The following RHOBTB1 variants were observed in gnomAD, a reference collection of about 807,000 sequenced individuals.
RHOBTB1 encodes the protein rho-related BTB domain-containing protein 1.
In RHOBTB1, 40 loss-of-function variants were observed where a neutral mutation model predicts 71.6. The observed-to-expected ratio is 0.56, with a 90% CI of 0.43 to 0.73. RHOBTB1 has a LOEUF of 0.73. RHOBTB1 is among the 30% of genes least tolerant of loss of function. The pLI is 0.00. For missense variants in RHOBTB1, 797 were observed against 894.0 expected, an observed-to-expected ratio of 0.89 and a Z score of 1.38; for synonymous variants, 319 against 334.9, an observed-to-expected ratio of 0.95 and a Z score of 0.52.
chr10:60,963,065 T>G (rs1049668897), intron 2 of RHOBTB1, among the ~76,000 whole-genome samples: 2 of 152,174 alleles, frequency 1.3e-5, no homozygotes, highest in East Asian at 1.9e-4. Context: ...CAAGAAGTAT[T>G]GCAAATATGT....
chr10:60,878,159 G>A, intron 7 of RHOBTB1, 101 bp from the exon 8 acceptor site: 1 of 871,502 alleles, frequency 1.1e-6, no homozygotes. Flanking sequence ...ACTTGATATT[G>A]GTGAGTGTTG....
the RHOBTB1 span, among the ~76,000 whole-genome samples, chr10:60,861,843 T>C: frequency 3.3e-5 from 5 of 152,158 alleles, no homozygotes; most frequent in Admixed American, 2.0e-4. Flanking sequence ...CCCCAGCAAA[T>C]TGCAAGATCT....
chr10:60,930,775 C>G (rs1356562259), intron 2 of RHOBTB1, among the ~76,000 whole-genome samples: 1 of 152,164 alleles, frequency 6.6e-6, no homozygotes, highest in Non-Finnish European at 1.5e-5. Context: ...CTTTCTGCCT[C>G]TCAGGACCTG....
intron 5 of RHOBTB1, among the ~76,000 whole-genome samples, chr10:60,891,713 T>A (rs7069036): frequency 0.36 from 54,320 of 151,768 alleles, 10,581 homozygotes; most frequent in East Asian, 0.58. Flanking sequence ...AGTTCAACAT[T>A]AAAAAAACAT....
intron 5 of RHOBTB1, among the ~76,000 whole-genome samples, chr10:60,891,334 CTTTTT>C (rs756153141): frequency 7.0e-5 from 5 of 71,320 alleles, no homozygotes; most frequent in Non-Finnish European, 1.2e-4. Flanking sequence ...TTGCTGTTTG[CTTTTT>C]TTTTTTTTTT....
chr10:60,902,922 G>A (rs895049484), intron 4 of RHOBTB1, among the ~76,000 whole-genome samples: 10 of 152,142 alleles, frequency 6.6e-5, no homozygotes, highest in Admixed American at 2.0e-4. Flanking sequence ...GCCACGTATC[G>A]GGGATAGAAA....
intron 7 of RHOBTB1, 109 bp from the exon 8 acceptor site, chr10:60,878,167 T>C (rs2081135738): frequency 2.5e-6 from 2 of 793,702 alleles, no homozygotes; most frequent in Non-Finnish European, 4.1e-6. Flanking sequence ...TTGGTGAGTG[T>C]TGGACACCTG....
Position 60,872,266 on chromosome 10 carries a change from C to T in RHOBTB1, c.1840G>A (p.Ala614Thr), listed in dbSNP as rs138580713. 6 of 1,613,788 alleles carry T rather than the reference C, an allele frequency of 3.7e-6. No homozygotes were observed. The highest frequency in any genetic ancestry group is 4.2e-6 in the Non-Finnish European group (5 of 1,179,774). Residue 614 changes from alanine (A) to threonine (T), a missense_variant, in exon 10 of 11, where the codon GCC becomes ACC. By Grantham distance (58) the Ala-to-Thr change is moderately conservative. Transcript: ENST00000337910. ...AQFHNAHQLAAWCLHHICTNY... is the reference protein window; with the variant it reads ...AQFHNAHQLATWCLHHICTNY... ...GTGCAGATGTGGTGCAAACACCAGGCGGCCAACTGGTGGGCATTGTGAAAC... is the reference window on the plus strand; with the variant it reads ...GTGCAGATGTGGTGCAAACACCAGGTGGCCAACTGGTGGGCATTGTGAAAC...
At chr10:60,890,072 G>C (rs983744885) in intron 5 of RHOBTB1, among the ~76,000 whole-genome samples, 8 of 152,162 alleles carry the variant, frequency 5.3e-5, no homozygotes, top group African/African-American at 1.7e-4. Flanking sequence ...AAAGGTTAAA[G>C]GGTTTGTCTG....
intron 2 of RHOBTB1, among the ~76,000 whole-genome samples, chr10:60,956,014 CA>C (rs1184146463): frequency 6.6e-6 from 1 of 152,186 alleles, no homozygotes; most frequent in Admixed American, 6.6e-5. Flanking sequence ...CATCCCTTAA[CA>C]ACAGGGATAG....
intron 2 of RHOBTB1, among the ~76,000 whole-genome samples, chr10:60,979,399 A>G (rs1413343319): frequency 1.3e-5 from 2 of 152,200 alleles, no homozygotes; most frequent in Admixed American, 6.6e-5. Context: ...AGAAAATACA[A>G]TGAAACCATG....
intron 2 of RHOBTB1, among the ~76,000 whole-genome samples, chr10:60,929,348 G>T (rs372346886): frequency 1.3e-5 from 2 of 151,952 alleles, no homozygotes; most frequent in African/African-American, 2.4e-5. Flanking sequence ...GAAAGAAAAA[G>T]GACATAATAA....
At chr10:60,948,982 G>C (rs2085324603), upstream of RHOBTB1, among the ~76,000 whole-genome samples, 1 of 152,216 alleles carries the variant, frequency 6.6e-6, no homozygotes, top group African/African-American at 2.4e-5. Context: ...TTACATGTTA[G>C]CTTCTAGCAA....
rs972553558 is a variant in RHOBTB1, at chr10:60,922,549, C to T, written c.-10-10997G>A. On this transcript the variant is annotated intron_variant, in intron 2 of 10. Coordinates refer to ENST00000337910, the MANE Select transcript of RHOBTB1 (RefSeq NM_014836.5). ...GATGACCAGCAGACTGCCATGTCCA[C>T]GGGGAAAAGAATTGGCCCAGGAAGT... Among the ~76,000 whole-genome samples, 6 of 152,296 alleles carry T rather than the reference C, an allele frequency of 3.9e-5. No individual in the cohort carries two copies. The Middle Eastern group carries it at 0.014, about 345-fold the overall frequency.
At chr10:60,979,331 G>A (rs2086418976) in intron 2 of RHOBTB1, among the ~76,000 whole-genome samples, 1 of 151,996 alleles carries the variant, frequency 6.6e-6, no homozygotes, top group South Asian at 2.1e-4. Context: ...AAAATAATAA[G>A]GAAAGGAATA....
chr10:60,888,650 T>A lies in RHOBTB1; in HGVS notation c.1018A>T (p.Ile340Phe). ...GACTTCCACTGGTCGGCCTGAGGAA[T>A]CCTAGGCGGGCCCTCCTCCCTTTCT... ...EEEREEGPPR[I>F]PQADQWKSSN... The change falls in exon 6 of 11, where the codon ATT becomes TTT. Residue 340 changes from isoleucine (I) to phenylalanine (F), a missense_variant. Coordinates refer to ENST00000337910, the MANE Select transcript of RHOBTB1 (RefSeq NM_014836.5). The A allele has an allele frequency of 1.2e-6, 2 of 1,614,164 alleles. No individual in the cohort carries two copies. The highest frequency in any genetic ancestry group is 1.7e-6 in the Non-Finnish European group (2 of 1,180,024).
intron 2 of RHOBTB1, among the ~76,000 whole-genome samples, chr10:60,982,162 G>A (rs1293147083): frequency 6.6e-6 from 1 of 152,190 alleles, no homozygotes; most frequent in East Asian, 1.9e-4. Flanking sequence ...GGCGGCCCAT[G>A]AACTTTGCTA....
At chr10:60,990,336 T>G (rs1191673663) in intron 1 of RHOBTB1, among the ~76,000 whole-genome samples, 1 of 152,136 alleles carries the variant, frequency 6.6e-6, no homozygotes, top group African/African-American at 2.4e-5. Flanking sequence ...CTCTTTCTAG[T>G]GGACACCAAT....
chr10:60,935,878 C>G (rs1331650718), intron 2 of RHOBTB1, among the ~76,000 whole-genome samples: 1 of 152,134 alleles, frequency 6.6e-6, no homozygotes, highest in African/African-American at 2.4e-5. Flanking sequence ...CTCTTTCCAA[C>G]TCTGTGCTCA....
Sources: gnomAD v4.1 joint callset for allele counts (sites outside exome capture counted in the v4.1 genomes callset) on GRCh38, gnomAD v4.1.1 for gene constraint, MANE v1.5 for transcripts, NCBI Gene and HGNC (gene_info 2026-07-23, HGNC 2026-07-21) for gene names.